The following THRB variants were observed in gnomAD, a reference collection of about 807,000 sequenced individuals.
THRB encodes the protein thyroid hormone receptor beta.
In THRB, 12 loss-of-function variants were observed where a neutral mutation model predicts 47.8. The observed-to-expected ratio is 0.25, with a 90% CI of 0.16 to 0.41. THRB has a LOEUF of 0.41. Ranked by LOEUF, THRB falls within the 10% of genes least tolerant of loss-of-function variation. The pLI is 1.00. For missense variants in THRB, 348 were observed against 589.2 expected (o/e 0.59, Z 4.24); for synonymous variants, 218 against 212.2 (o/e 1.03, Z -0.24).
intron 3 of THRB, among the ~76,000 whole-genome samples, chr3:24,263,186 C>G (rs73148324): frequency 0.14 from 21,614 of 152,158 alleles, 1,771 homozygotes; most frequent in African/African-American, 0.22. Flanking sequence ...TCCAATCCCA[C>G]CTTGCCTGCT....
Position 24,176,593 on chromosome 3 carries a change from A to AATGTT in THRB, c.283+13476_283+13480dup, listed in dbSNP as rs2041186642. Among the ~76,000 whole-genome samples the AATGTT allele has an allele frequency of 2.6e-5, 4 of 152,192 alleles. No homozygotes were observed. In the South Asian group the frequency reaches 8.3e-4, roughly 32 times the overall value. On this transcript the variant is annotated intron_variant, in intron 5 of 10. Coordinates refer to ENST00000646209, the MANE Select transcript of THRB (RefSeq NM_001354712.2). Reference sequence around the variant, plus strand: ...GCTCCAGTCCTACATTATACTTGAAAATGTTATAAAAATAATAAAAGGTAA... The same window carrying AATGTT: ...GCTCCAGTCCTACATTATACTTGAAAATGTTATGTTATAAAAATAATAAAAGGTAA...
intron 1 of THRB, among the ~76,000 whole-genome samples, chr3:24,392,728 C>G (rs766521180): frequency 4.6e-5 from 7 of 152,084 alleles, no homozygotes; most frequent in Non-Finnish European, 1.0e-4. Context: ...TTAGTCTTTA[C>G]ATAGTTATAG....
At chr3:24,239,931 T>C (rs549309249) in intron 3 of THRB, among the ~76,000 whole-genome samples, 2 of 152,296 alleles carry the variant, frequency 1.3e-5, no homozygotes, top group African/African-American at 4.8e-5. Flanking sequence ...AAATGCCCTG[T>C]TTATGAAGTT....
intron 1 of THRB, among the ~76,000 whole-genome samples, chr3:24,487,435 T>C (rs777194543): frequency 4.6e-5 from 7 of 152,156 alleles, no homozygotes; most frequent in Non-Finnish European, 7.3e-5. Flanking sequence ...TTATAATGCA[T>C]GCTAGTATAA....
chr3:24,321,814 T>C (rs2149299767), intron 2 of THRB, among the ~76,000 whole-genome samples: 1 of 152,274 alleles, frequency 6.6e-6, no homozygotes, highest in East Asian at 1.9e-4. Context: ...AAATGAGATG[T>C]GCTATAAGTA....
intron 3 of THRB, among the ~76,000 whole-genome samples, chr3:24,295,712 G>A (rs1428923721): frequency 6.6e-6 from 1 of 152,126 alleles, no homozygotes; most frequent in Non-Finnish European, 1.5e-5. Context: ...GTGTTAATGA[G>A]GCCAGCTTGG....
intron 4 of THRB, among the ~76,000 whole-genome samples, chr3:24,196,330 G>A (rs1375530243): frequency 6.6e-6 from 1 of 152,142 alleles, no homozygotes; most frequent in East Asian, 1.9e-4. Context: ...GTGGTCATTA[G>A]AGAGGCCAAA....
chr3:24,282,676 A>C (rs1296056519), intron 3 of THRB, among the ~76,000 whole-genome samples: 1 of 146,204 alleles, frequency 6.8e-6, no homozygotes, highest in Non-Finnish European at 1.5e-5. Flanking sequence ...AACAAAATTG[A>C]TAGACCGCTA....
intron 3 of THRB, among the ~76,000 whole-genome samples, chr3:24,272,056 C>T (rs1289993072): frequency 6.6e-6 from 1 of 152,120 alleles, no homozygotes; most frequent in Non-Finnish European, 1.5e-5. Context: ...TAAAATTTTC[C>T]TATAGTCTGG....
chr3:24,130,169 C>T (rs1296208182), intron 9 of THRB, among the ~76,000 whole-genome samples: 1 of 152,194 alleles, frequency 6.6e-6, no homozygotes, highest in Non-Finnish European at 1.5e-5. Flanking sequence ...ATCCCGCCAC[C>T]ATTGTCTTTT....
intron 3 of THRB, among the ~76,000 whole-genome samples, chr3:24,286,432 C>G (rs1380394145): frequency 6.6e-6 from 1 of 152,198 alleles, no homozygotes; most frequent in Admixed American, 6.5e-5. Flanking sequence ...CTTCACCGTT[C>G]AACCCTGTCA....
intron 1 of THRB, among the ~76,000 whole-genome samples, chr3:24,349,112 T>C (rs2063204312): frequency 1.3e-5 from 2 of 152,176 alleles, no homozygotes; most frequent in African/African-American, 4.8e-5. Context: ...ATACCATTTA[T>C]ATTGGCATAA....
At chr3:24,467,500 A>T (rs543007127) in intron 1 of THRB, among the ~76,000 whole-genome samples, 46 of 152,336 alleles carry the variant, frequency 3.0e-4, no homozygotes, top group African/African-American at 1.1e-3. Flanking sequence ...TAAGAAATGT[A>T]TTTCTTAGAT....
At chr3:24,325,354 T>A (rs1490463452) in intron 2 of THRB, among the ~76,000 whole-genome samples, 1 of 152,188 alleles carries the variant, frequency 6.6e-6, no homozygotes, top group Non-Finnish European at 1.5e-5. Flanking sequence ...TGAAAGAAAG[T>A]AATTGGTTCA....
intron 3 of THRB, among the ~76,000 whole-genome samples, chr3:24,252,439 T>C (rs1398387838): frequency 6.6e-6 from 1 of 152,080 alleles, no homozygotes; most frequent in African/African-American, 2.4e-5. Flanking sequence ...CTATAACTCA[T>C]ACCTTATGCC....
intron 1 of THRB, among the ~76,000 whole-genome samples, chr3:24,343,736 A>G (rs1312274929): frequency 6.6e-6 from 1 of 151,978 alleles, no homozygotes; most frequent in African/African-American, 2.4e-5. Flanking sequence ...CCAGACAGGC[A>G]TTGCCAACCA....
chr3:24,359,115 T>A (rs1199476479), intron 1 of THRB, among the ~76,000 whole-genome samples: 2 of 152,142 alleles, frequency 1.3e-5, no homozygotes, highest in African/African-American at 4.8e-5. Flanking sequence ...GATGATTTTG[T>A]GGGTCCAGAA....
At chr3:24,199,403 G>A (rs977618158) in intron 4 of THRB, among the ~76,000 whole-genome samples, 3 of 152,150 alleles carry the variant, frequency 2.0e-5, no homozygotes, top group Non-Finnish European at 2.9e-5. Context: ...TTTCTCTCTT[G>A]TTGAGACTGG....
intron 3 of THRB, among the ~76,000 whole-genome samples, chr3:24,277,395 A>G (rs1378687771): frequency 2.0e-5 from 3 of 152,162 alleles, no homozygotes; most frequent in African/African-American, 7.2e-5. Context: ...TTCAAAATAC[A>G]GTGTACATCA....
Sources: gnomAD v4.1 joint callset for allele counts (sites outside exome capture counted in the v4.1 genomes callset) on GRCh38, gnomAD v4.1.1 for gene constraint, MANE v1.5 for transcripts, NCBI Gene and HGNC (gene_info 2026-07-23, HGNC 2026-07-21) for gene names.